The following MAP3K9 variants were observed in gnomAD, a reference collection of about 807,000 sequenced individuals.
MAP3K9 encodes the protein mitogen-activated protein kinase kinase kinase 9.
MAP3K9 carries 46 observed loss-of-function variants against 95.8 expected under a neutral mutation model. That is an observed-to-expected ratio of 0.48 (90% CI 0.38 to 0.61). The LOEUF is 0.61. Among genes scored for constraint, MAP3K9 ranks in the 20% least tolerant of loss-of-function variants. The pLI is 0.00. For missense variants in MAP3K9, 1,296 were observed against 1,474.3 expected, an observed-to-expected ratio of 0.88 and a Z score of 1.98; for synonymous variants, 533 against 593.8, an observed-to-expected ratio of 0.90 and a Z score of 1.49.
chr14:70,736,618 T>C (rs2053989925), intron 8 of MAP3K9, among the ~76,000 whole-genome samples: 1 of 152,156 alleles, frequency 6.6e-6, no homozygotes, highest in Non-Finnish European at 1.5e-5. Context: ...CAATGTGAAA[T>C]AAAGTTAATT....
chr14:70,746,398 C>T (rs61988426), intron 5 of MAP3K9, among the ~76,000 whole-genome samples: 34,678 of 152,234 alleles, frequency 0.23, 4,273 homozygotes, highest in South Asian at 0.38. Context: ...TTTTGCAACA[C>T]CTATTTGTGT....
intron 1 of MAP3K9, 72 bp from the exon 2 acceptor site, chr14:70,801,152 C>CCACTCAGGTAAA: frequency 7.0e-7 from 1 of 1,438,476 alleles, no homozygotes; most frequent in Non-Finnish European, 9.4e-7. Context: ...TTTCATTTAC[C>CCACTCAGGTAAA]TGAGTGGGTA....
intron 2 of MAP3K9, among the ~76,000 whole-genome samples, chr14:70,764,894 AAAAG>A (rs1391099724): frequency 2.0e-5 from 3 of 152,240 alleles, no homozygotes; most frequent in Non-Finnish European, 2.9e-5. Context: ...GAATAAGGAT[AAAAG>A]AAAGAAAATG....
chr14:70,749,875 C>T, intron 4 of MAP3K9, 58 bp downstream of exon 4: 4 of 1,603,700 alleles, frequency 2.5e-6, no homozygotes, highest in Non-Finnish European at 3.4e-6. Context: ...CCAAACTCTA[C>T]CCAGTGCTTA....
In MAP3K9 at chr14:70,725,770, G is replaced by A. The variant is rs541633740; in HGVS notation, c.*4610C>T. 6.6e-6 allele frequency: 1 copy of A among 152,122 alleles called. No individual in the cohort carries two copies. The highest frequency in any genetic ancestry group is 2.1e-4 in the South Asian group (1 of 4,812). The allele number at this position is 152,122 out of a possible 1,614,324, so 9.4% of individuals were successfully genotyped here. Reference sequence around the variant, plus strand: ...CCAAAGAGAGAGGCAGGTACATTAGGGTGAACCATATGAAATAGCTGATAT... The same window carrying A: ...CCAAAGAGAGAGGCAGGTACATTAGAGTGAACCATATGAAATAGCTGATAT... On this transcript the variant is annotated 3_prime_UTR_variant, in exon 12 of 12. Transcript: ENST00000554752.
At chr14:70,799,770 T>C (rs548070227) in intron 2 of MAP3K9, among the ~76,000 whole-genome samples, 1 of 151,888 alleles carries the variant, frequency 6.6e-6, no homozygotes, top group Non-Finnish European at 1.5e-5. Context: ...GCAAAGAGAG[T>C]GAAGTCCCTG....
intron 5 of MAP3K9, among the ~76,000 whole-genome samples, chr14:70,744,275 A>G (rs1030635196): frequency 6.6e-6 from 1 of 152,178 alleles, no homozygotes; most frequent in Non-Finnish European, 1.5e-5. Flanking sequence ...GCTAACCACC[A>G]TGGCACGTGT....
chr14:70,767,990 C>T (rs2054480319), intron 2 of MAP3K9, among the ~76,000 whole-genome samples: 1 of 152,120 alleles, frequency 6.6e-6, no homozygotes, highest in Non-Finnish European at 1.5e-5. Flanking sequence ...TTGATTATTT[C>T]CCAATTAGGA....
chr14:70,755,722 T>C (rs558068809), intron 3 of MAP3K9, among the ~76,000 whole-genome samples: 21 of 152,302 alleles, frequency 1.4e-4, no homozygotes, highest in African/African-American at 4.8e-4. Flanking sequence ...AAAGGCCCAT[T>C]TAATGGGTTA....
chr14:70,806,034 T>C lies in MAP3K9; in HGVS notation c.406+2732A>G, dbSNP rs2054985774. ...AGCTGAACAGTATTGCTTGACTTAATGTCTTCTATTCATGGTCCAGAATGC... is the reference window on the plus strand; with the variant it reads ...AGCTGAACAGTATTGCTTGACTTAACGTCTTCTATTCATGGTCCAGAATGC... On this transcript the variant is annotated intron_variant, in intron 1 of 11. Coordinates refer to ENST00000554752, the MANE Select transcript of MAP3K9 (RefSeq NM_001284230.2). Among the ~76,000 whole-genome samples the C allele has an allele frequency of 2.6e-5, 4 of 152,376 alleles. 1 individual carries two copies. In the South Asian group the frequency reaches 8.3e-4, roughly 32 times the overall value.
intron 2 of MAP3K9, among the ~76,000 whole-genome samples, chr14:70,774,889 GA>G (rs2054575436): frequency 6.8e-6 from 1 of 146,652 alleles, no homozygotes; most frequent in Admixed American, 7.0e-5. Flanking sequence ...GGAAGCTGGG[GA>G]AGAGAATCAC....
At chr14:70,755,730 T>C in intron 3 of MAP3K9, among the ~76,000 whole-genome samples, 1 of 152,158 alleles carries the variant, frequency 6.6e-6, no homozygotes, top group East Asian at 1.9e-4. Flanking sequence ...ATTTAATGGG[T>C]TATAAATTGT....
chr14:70,748,809 G>GC lies in MAP3K9; in HGVS notation c.1326+19_1326+20insG. ...TTTTCTTTTCGTTCGTTTTTTTGTT[G>GC]TTTTTTTTGTTTTGTTTACCTTTTC... On this transcript the variant is annotated intron_variant, in intron 5 of 11. Transcript: ENST00000554752. The GC allele has an allele frequency of 6.4e-7, 1 of 1,573,666 alleles. No individual in the cohort carries two copies. Among genetic ancestry groups the GC allele is most frequent in the Non-Finnish European group, 8.6e-7 (1 of 1,162,342 alleles).
At position 70,724,654 on chromosome 14, in the gene MAP3K9, G is replaced by C. The variant is rs1168597047; in HGVS notation, c.*5726C>G. 6.6e-6 allele frequency: 1 copy of C among 152,214 alleles called. No homozygotes were observed. Among genetic ancestry groups the C allele is most frequent in the African/African-American group, 2.4e-5 (1 of 41,450 alleles). 9.4% of individuals were successfully genotyped at this position (152,214 alleles called of 1,614,324 possible). On this transcript the variant is annotated 3_prime_UTR_variant, in exon 12 of 12. Transcript: ENST00000554752. The stretch of plus-strand genomic sequence containing the variant: ...AATACAGTATCAAAATTTTAAGTCA[G>C]GCTTTGTCTGGGTTGGTGTCCAGGT...
chr14:70,777,007 T>C (rs1032581676), intron 2 of MAP3K9, among the ~76,000 whole-genome samples: 1 of 151,460 alleles, frequency 6.6e-6, no homozygotes, highest in Non-Finnish European at 1.5e-5. Context: ...ATTTTTCTAT[T>C]TTCAGCAGAG....
At chr14:70,741,264 A>AT (rs769982901) in intron 6 of MAP3K9, among the ~76,000 whole-genome samples, 271 of 152,018 alleles carry the variant, frequency 1.8e-3, no homozygotes, top group Non-Finnish European at 1.1e-3. Context: ...CTAATTTTGT[A>AT]TTTTTAATAG....
chr14:70,798,539 C>T (rs1178245908), intron 2 of MAP3K9, among the ~76,000 whole-genome samples: 6 of 120,234 alleles, frequency 5.0e-5, no homozygotes, highest in African/African-American at 1.6e-4. Flanking sequence ...AGTGCAGTGG[C>T]GGGATCTCGG....
At chr14:70,807,073 G>C (rs957421907) in intron 1 of MAP3K9, among the ~76,000 whole-genome samples, 3 of 152,210 alleles carry the variant, frequency 2.0e-5, no homozygotes, top group Non-Finnish European at 4.4e-5. Flanking sequence ...AACTGAATGA[G>C]AGGGAGAGGG....
chr14:70,729,170 G>C lies in MAP3K9; in HGVS notation c.*1210C>G, dbSNP rs1346823829. ...GGGACCTCAAGGTTATTGTACATCA[G>C]CGGCTCCCTGGGCACCCTATAAATA... is the stretch of plus-strand genomic sequence containing the variant. On this transcript the variant is annotated 3_prime_UTR_variant, in exon 12 of 12. Transcript: ENST00000554752. The C allele has an allele frequency of 1.3e-5, 2 of 152,202 alleles. No homozygotes were observed. The highest frequency in any genetic ancestry group is 2.9e-5 in the Non-Finnish European group (2 of 68,082). 9.4% of individuals were successfully genotyped at this position (152,202 alleles called of 1,614,324 possible). A position where few individuals can be genotyped will look rare whatever the true frequency, so the allele number is the denominator to read the frequency against.
Sources: allele counts gnomAD v4.1 joint callset (sites outside exome capture counted in the v4.1 genomes callset), GRCh38; gene constraint gnomAD v4.1.1; transcripts MANE v1.5; gene names NCBI Gene and HGNC (gene_info 2026-07-23, HGNC 2026-07-21).